RORA: variants seen among roughly 807,000 people sequenced by gnomAD.
The protein encoded by RORA is nuclear receptor ROR-alpha.
Under a neutral mutation model 69.5 loss-of-function variants are expected in RORA, and 7 were observed. The ratio of observed to expected loss-of-function variants is 0.10; its 90% CI spans 0.06 to 0.19. RORA has a LOEUF of 0.19. Ranked by LOEUF, RORA falls within the 10% of genes least tolerant of loss-of-function variation. The pLI is 1.00. For synonymous variants in RORA, 261 were observed against 240.8 expected (o/e 1.08, Z -0.78); for missense variants, 457 against 663.0 (o/e 0.69, Z 3.41).
intron 2 of RORA, among the ~76,000 whole-genome samples, chr15:60,643,012 T>C (rs907051835): frequency 3.3e-5 from 5 of 151,948 alleles, no homozygotes; most frequent in African/African-American, 1.2e-4. Context: ...CAAAAATTAG[T>C]TGGGCCTGGT....
rs374443770 is a variant in RORA, at chr15:60,905,650, C to T, written c.167-226964G>A. On this transcript the variant is annotated intron_variant, in intron 1 of 10. Coordinates refer to ENST00000335670, the MANE Select transcript of RORA (RefSeq NM_134261.3). The surrounding 1 kb of genome is among the most constrained non-coding windows in gnomAD (Gnocchi z 4.8). ...AAGGAAGTGATAAAGCCCTCAAGAG[C>T]GTCTGTATCTGCCCCGGTTCTGTCA... Among the ~76,000 whole-genome samples, 4 of 152,270 alleles carry T rather than the reference C, an allele frequency of 2.6e-5. No homozygotes were observed. In the East Asian group the frequency reaches 5.8e-4, roughly 22 times the overall value.
rs952702788 is a variant in RORA, at chr15:61,226,243, T to C, written c.166+2810A>G. ...AACCTGCTACCCTTTGGAAAGTATC[T>C]CCCAAATCAGAAAGCTTCCCATTTC... On this transcript the variant is annotated intron_variant, in intron 1 of 10. Coordinates refer to ENST00000335670, the MANE Select transcript of RORA (RefSeq NM_134261.3). The surrounding 1 kb of genome is among the most constrained non-coding windows in gnomAD (Gnocchi z 4.2). 4.6e-5 allele frequency among the ~76,000 whole-genome samples: 7 copies of C among 152,180 alleles called. No homozygotes were observed. The highest frequency in any genetic ancestry group is 1.0e-4 in the Non-Finnish European group (7 of 68,030).
intron 2 of RORA, among the ~76,000 whole-genome samples, chr15:60,594,306 C>A (rs576081281): frequency 1.3e-5 from 2 of 152,218 alleles, no homozygotes; most frequent in Non-Finnish European, 2.9e-5. Context: ...CCCTCAGTTA[C>A]ACTGACACCA....
intron 1 of RORA, among the ~76,000 whole-genome samples, chr15:60,973,997 C>T (rs944567504): frequency 1.3e-5 from 2 of 152,236 alleles, no homozygotes; most frequent in Admixed American, 6.5e-5. Flanking sequence ...CCAATCCATA[C>T]CTGAGTTGCA....
intron 1 of RORA, among the ~76,000 whole-genome samples, chr15:61,181,860 T>C (rs928985821): frequency 1.3e-5 from 2 of 152,136 alleles, no homozygotes; most frequent in South Asian, 4.1e-4. Context: ...AATCTGAGAT[T>C]GGGTAACTAA....
intron 1 of RORA, among the ~76,000 whole-genome samples, chr15:61,159,905 G>A (rs1467975004): frequency 6.6e-6 from 1 of 152,198 alleles, no homozygotes; most frequent in African/African-American, 2.4e-5. Context: ...AGGATCTGAA[G>A]ATGGGTACAC....
chr15:60,559,669 A>G (rs965439193), intron 2 of RORA, among the ~76,000 whole-genome samples: 13 of 152,222 alleles, frequency 8.5e-5, no homozygotes, highest in Non-Finnish European at 1.3e-4. Context: ...CTGTTCTTCA[A>G]ATTACCAAGA....
At chr15:60,934,152 A>AT (rs1892453058) in intron 1 of RORA, among the ~76,000 whole-genome samples, 1 of 152,256 alleles carries the variant, frequency 6.6e-6, no homozygotes, top group African/African-American at 2.4e-5. Context: ...CCTGATCTAC[A>AT]TTAACAAGTC....
At chr15:61,056,287 C>A (rs2078095488) in intron 1 of RORA, among the ~76,000 whole-genome samples, 1 of 152,168 alleles carries the variant, frequency 6.6e-6, no homozygotes, top group South Asian at 2.1e-4. Context: ...TGGTTATTGG[C>A]ATCCTTCCAT....
rs190994201 is a variant in RORA, at chr15:60,724,813, G to A, written c.167-46127C>T. ...TGGTGTGGGTTGACTGAATGAATGA[G>A]GGTCCCACCACTTTCCGGTGAATAC... On this transcript the variant is annotated intron_variant, in intron 1 of 10. Transcript: ENST00000335670. Among the ~76,000 whole-genome samples the A allele has an allele frequency of 2.6e-5, 4 of 152,256 alleles. No homozygotes were observed. The East Asian group carries it at 7.7e-4, about 29-fold the overall frequency.
Position 61,057,223 on chromosome 15 carries a change from G to A in RORA, c.166+171830C>T, listed in dbSNP as rs538824301. ...CTTGGAACATCTACATAAAATGAAGGTATTCAAAGCTGCTTCTATTTAGCT... is the reference window on the plus strand; with the variant it reads ...CTTGGAACATCTACATAAAATGAAGATATTCAAAGCTGCTTCTATTTAGCT... On this transcript the variant is annotated intron_variant, in intron 1 of 10. Coordinates refer to ENST00000335670, the MANE Select transcript of RORA (RefSeq NM_134261.3). Among the ~76,000 whole-genome samples the A allele has an allele frequency of 2.6e-4, 40 of 152,294 alleles. No homozygotes were observed. The East Asian group carries it at 7.7e-3, about 29-fold the overall frequency.
At chr15:61,207,075 C>CGT (rs141249908) in intron 1 of RORA, among the ~76,000 whole-genome samples, 102 of 138,330 alleles carry the variant, frequency 7.4e-4, no homozygotes, top group Middle Eastern at 3.8e-3. Context: ...TCTGTGTATA[C>CGT]GTGTGTGTAT....
chr15:61,060,157 C>G (rs996037130), intron 1 of RORA, among the ~76,000 whole-genome samples: 1 of 152,166 alleles, frequency 6.6e-6, no homozygotes, highest in African/African-American at 2.4e-5. Flanking sequence ...GGTTCCAGAT[C>G]TCAGTCAAAC....
intron 1 of RORA, among the ~76,000 whole-genome samples, chr15:61,073,206 C>T (rs1247221654): frequency 2.0e-5 from 3 of 152,204 alleles, no homozygotes; most frequent in Non-Finnish European, 4.4e-5. Context: ...CTGAGCAGTT[C>T]CTTGAGATTC....
Position 60,801,897 on chromosome 15 carries a change from G to A in RORA, c.167-123211C>T, listed in dbSNP as rs573043533. ...GTGGTGTATCTCAGTGTAAGAAGCT[G>A]TTTTCACATATATTTCATCTTGTTT... On this transcript the variant is annotated intron_variant, in intron 1 of 10. Transcript: ENST00000335670. Among the ~76,000 whole-genome samples the A allele has an allele frequency of 3.9e-5, 6 of 152,302 alleles. No individual in the cohort carries two copies. The South Asian group carries it at 1.2e-3, about 32-fold the overall frequency.
rs537406816 is a variant in RORA, at chr15:61,032,629, T to C, written c.166+196424A>G. Reference sequence around the variant, plus strand: ...TTTTACATTCACAACTAAAGTCATTTTGAAAACAATGAAAAGAGGCCAAAG... The same window carrying C: ...TTTTACATTCACAACTAAAGTCATTCTGAAAACAATGAAAAGAGGCCAAAG... On this transcript the variant is annotated intron_variant, in intron 1 of 10. Coordinates refer to ENST00000335670, the MANE Select transcript of RORA (RefSeq NM_134261.3). Among the ~76,000 whole-genome samples, 10 of 152,310 alleles carry C rather than the reference T, an allele frequency of 6.6e-5. No homozygotes were observed. In the East Asian group the frequency reaches 1.9e-3, roughly 29 times the overall value.
chr15:60,641,395 A>G (rs2069942063), intron 2 of RORA, among the ~76,000 whole-genome samples: 1 of 152,134 alleles, frequency 6.6e-6, no homozygotes, highest in South Asian at 2.1e-4. Flanking sequence ...ACTGGATTTG[A>G]AAAATCTATG....
chr15:60,726,680 C>T (rs2071361283), intron 1 of RORA, among the ~76,000 whole-genome samples: 1 of 152,188 alleles, frequency 6.6e-6, no homozygotes, highest in Non-Finnish European at 1.5e-5. Flanking sequence ...TGCAGACGCG[C>T]CACTGTGTCT....
intron 1 of RORA, among the ~76,000 whole-genome samples, chr15:61,084,337 C>A (rs2078590312): frequency 6.6e-6 from 1 of 152,186 alleles, no homozygotes; most frequent in South Asian, 2.1e-4. Flanking sequence ...ACCTAGGTAG[C>A]AACTGTACAG....
Sources: gnomAD v4.1 joint callset for allele counts (sites outside exome capture counted in the v4.1 genomes callset) on GRCh38, gnomAD v4.1.1 for gene constraint, Gnocchi (gnomAD v3.1) non-coding constraint, MANE v1.5 for transcripts, NCBI Gene and HGNC (gene_info 2026-07-23, HGNC 2026-07-21) for gene names.